The following SEPTIN9 variants were observed in gnomAD, a reference collection of about 807,000 sequenced individuals.
SEPTIN9 encodes septin-9.
SEPTIN9 carries 13 observed loss-of-function variants against 56.6 expected under a neutral mutation model. That is an observed-to-expected ratio of 0.23 (90% CI 0.15 to 0.37). The LOEUF (loss-of-function observed/expected upper bound fraction) is 0.37, where lower values mean the gene tolerates loss of function less well. Among genes scored for constraint, SEPTIN9 ranks in the 10% least tolerant of loss-of-function variants. The pLI is 1.00. For missense variants in SEPTIN9, 650 were observed against 823.1 expected, an observed-to-expected ratio of 0.79 and a Z score of 2.57; for synonymous variants, 332 against 334.1, an observed-to-expected ratio of 0.99 and a Z score of 0.07.
At chr17:77,383,087 C>T (rs1003452968) in intron 2 of SEPTIN9, among the ~76,000 whole-genome samples, 9 of 152,082 alleles carry the variant, frequency 5.9e-5, no homozygotes, top group Non-Finnish European at 1.3e-4. Context: ...GAAGCAGGCT[C>T]CTGCACACAG....
At position 77,343,003 on chromosome 17, in the gene SEPTIN9, G is replaced by GTCTGTCTGTCTATCTATCTA. The variant is rs71160228; in HGVS notation, c.76+35809_76+35810insGTCTGTCTATCTATCTATCT. ...AATCAATGTATCTGTCTGTCTGTCT[G>GTCTGTCTGTCTATCTATCTA]TCTATCTATCTATCTATCTATCTAT... is the stretch of plus-strand genomic sequence containing the variant. On this transcript the variant is annotated intron_variant, in intron 2 of 11. Coordinates refer to ENST00000427177, the MANE Select transcript of SEPTIN9 (RefSeq NM_001113491.2). Among the ~76,000 whole-genome samples, 239 of 147,242 alleles carry GTCTGTCTGTCTATCTATCTA rather than the reference G, an allele frequency of 1.6e-3. 1 individual carries two copies. Among genetic ancestry groups the GTCTGTCTGTCTATCTATCTA allele is most frequent in the South Asian group, 4.9e-3 (22 of 4,532 alleles).
chr17:77,301,613 A>G (rs1046834633), intron 1 of SEPTIN9, among the ~76,000 whole-genome samples: 2 of 151,886 alleles, frequency 1.3e-5, no homozygotes, highest in African/African-American at 4.8e-5. Context: ...GGGTTTCACC[A>G]TGTTGGTCAG....
intron 3 of SEPTIN9, among the ~76,000 whole-genome samples, chr17:77,409,136 C>CT (rs1466724194): frequency 6.6e-6 from 1 of 152,130 alleles, no homozygotes; most frequent in Non-Finnish European, 1.5e-5. Flanking sequence ...TCCTGAGCTG[C>CT]TTGCAGAGGG....
At position 77,421,386 on chromosome 17, in the gene SEPTIN9, C is replaced by T. The variant is rs570931205; in HGVS notation, c.721+18683C>T. Among the ~76,000 whole-genome samples the T allele has an allele frequency of 7.9e-5, 12 of 152,198 alleles. No homozygotes were observed. Among genetic ancestry groups the T allele is most frequent in the Non-Finnish European group, 1.2e-4 (8 of 68,038 alleles). ...CATCTTTCTCTGTCTCCTCCCCCTG[C>T]CGCCTCTCCCCACAAGACTGGGCTG... On this transcript the variant is annotated intron_variant, in intron 3 of 11. Transcript: ENST00000427177. The surrounding 1 kb of genome is among the most constrained non-coding windows in gnomAD (Gnocchi z 4.6).
At chr17:77,401,997 A>G (rs997480547) in intron 2 of SEPTIN9, 62 bp from the exon 3 acceptor site, 91 of 1,545,774 alleles carry the variant, frequency 5.9e-5, no homozygotes, top group Non-Finnish European at 7.8e-5. Flanking sequence ...TTAGCAGGAA[A>G]CATGCCGGAG....
intron 2 of SEPTIN9, among the ~76,000 whole-genome samples, chr17:77,332,867 C>G (rs2033416098): frequency 6.6e-6 from 1 of 152,196 alleles, no homozygotes; most frequent in South Asian, 2.1e-4. Context: ...TAGTCATTCT[C>G]TTGTTGAAAG....
At chr17:77,460,715 G>A (rs2144496395) in intron 3 of SEPTIN9, among the ~76,000 whole-genome samples, 1 of 152,292 alleles carries the variant, frequency 6.6e-6, no homozygotes, top group Admixed American at 6.5e-5. Context: ...CCTCAGCAAG[G>A]GATGTGGGGG....
In SEPTIN9 at chr17:77,378,020, T is replaced by C. The variant is rs116797815; in HGVS notation, c.77-24039T>C. ...GGCCAGACAGACCCACTGTCCCGAC[T>C]ACGAGTTGGTTCATTTAGAGGGGGG... On this transcript the variant is annotated intron_variant, in intron 2 of 11. Transcript: ENST00000427177. Among the ~76,000 whole-genome samples, 1,060 of 152,234 alleles carry C rather than the reference T, an allele frequency of 7.0e-3. 17 individuals are homozygous for C. Among genetic ancestry groups the C allele is most frequent in the African/African-American group, 0.024 (1,007 of 41,524 alleles).
At chr17:77,360,494 A>G (rs1022416635) in intron 2 of SEPTIN9, among the ~76,000 whole-genome samples, 11 of 151,370 alleles carry the variant, frequency 7.3e-5, no homozygotes, top group African/African-American at 2.7e-4. Flanking sequence ...GAATTGGCAA[A>G]CACTACATAT....
chr17:77,442,778 C>G (rs1654153474), intron 3 of SEPTIN9, among the ~76,000 whole-genome samples: 1 of 151,790 alleles, frequency 6.6e-6, no homozygotes, highest in Non-Finnish European at 1.5e-5. Flanking sequence ...GAAGCTGAGG[C>G]AGGAGAATTG....
At chr17:77,394,633 A>G (rs765648944) in intron 2 of SEPTIN9, among the ~76,000 whole-genome samples, 2 of 152,202 alleles carry the variant, frequency 1.3e-5, no homozygotes, top group Non-Finnish European at 2.9e-5. Flanking sequence ...ATTTCTTTGC[A>G]TGACATTTGT....
chr17:77,302,475 C>T (rs905791122), intron 1 of SEPTIN9, among the ~76,000 whole-genome samples: 10 of 151,652 alleles, frequency 6.6e-5, no homozygotes, highest in Non-Finnish European at 7.4e-5. Flanking sequence ...GTCAGGAGTT[C>T]GAGACCAGCC....
intron 3 of SEPTIN9, among the ~76,000 whole-genome samples, chr17:77,415,360 A>C (rs2036462705): frequency 6.6e-6 from 1 of 152,158 alleles, no homozygotes; most frequent in East Asian, 1.9e-4. Flanking sequence ...TAATCCCAGC[A>C]CTTTGGGAAG....
chr17:77,326,711 G>A lies in SEPTIN9; in HGVS notation c.76+19514G>A, dbSNP rs1304091381. On this transcript the variant is annotated intron_variant, in intron 2 of 11. Transcript: ENST00000427177. This position sits in a 1 kb window ranked among gnomAD's most constrained non-coding sequence, Gnocchi z 5.1. ...TCTTTTTGGATGCTCATGATTGACA[G>A]ACCAGCTGGCAGCTTCAGGATGGTT... Among the ~76,000 whole-genome samples the A allele has an allele frequency of 6.6e-6, 1 of 152,186 alleles. No homozygotes were observed. The highest frequency in any genetic ancestry group is 2.4e-5 in the African/African-American group (1 of 41,438).
In SEPTIN9 at chr17:77,476,307, T is replaced by G. The variant is rs922110495; in HGVS notation, c.722-5837T>G. ...GCCCTGGGGCTGTGATGAGTGTGAG[T>G]GCCCCTAAAGTGTGTCATGTCCAAT... On this transcript the variant is annotated intron_variant, in intron 3 of 11. Transcript: ENST00000427177. This position sits in a 1 kb window ranked among gnomAD's most constrained non-coding sequence, Gnocchi z 6.0. Among the ~76,000 whole-genome samples the G allele has an allele frequency of 3.3e-5, 5 of 152,202 alleles. No homozygotes were observed. In the East Asian group the frequency reaches 5.8e-4, roughly 18 times the overall value.
chr17:77,430,579 A>G (rs931463557), intron 3 of SEPTIN9, among the ~76,000 whole-genome samples: 2 of 152,228 alleles, frequency 1.3e-5, no homozygotes, highest in African/African-American at 4.8e-5. Context: ...CTGGAAAAGA[A>G]GCCAGATCCT....
intron 10 of SEPTIN9, among the ~76,000 whole-genome samples, chr17:77,495,549 G>A (rs1056257944): frequency 4.6e-5 from 7 of 152,200 alleles, no homozygotes; most frequent in Admixed American, 1.3e-4. Flanking sequence ...CCTGAGAGGC[G>A]GGTGACGTTA....
chr17:77,359,623 T>G (rs530117861), intron 2 of SEPTIN9, among the ~76,000 whole-genome samples: 2 of 151,944 alleles, frequency 1.3e-5, no homozygotes, highest in Non-Finnish European at 2.9e-5. Context: ...CAAGACCCTG[T>G]CTCTGCAAAA....
chr17:77,401,200 C>G lies in SEPTIN9; in HGVS notation c.77-859C>G, dbSNP rs2035884781. 2.6e-5 allele frequency among the ~76,000 whole-genome samples: 4 copies of G among 152,194 alleles called. No individual in the cohort carries two copies. The South Asian group carries it at 8.3e-4, about 31-fold the overall frequency. On this transcript the variant is annotated intron_variant, in intron 2 of 11. Transcript: ENST00000427177. ...GGGGGTACTGGTATTCTTTACATCC[C>G]AGGGTTAAGCGGCTGCAGATGTGAT...
Sources: gnomAD v4.1 joint callset for allele counts (sites outside exome capture counted in the v4.1 genomes callset) on GRCh38, gnomAD v4.1.1 for gene constraint, Gnocchi (gnomAD v3.1) non-coding constraint, MANE v1.5 for transcripts, NCBI Gene and HGNC (gene_info 2026-07-23, HGNC 2026-07-21) for gene names.